The following COMMD1 variants were observed in gnomAD, a reference collection of about 807,000 sequenced individuals.
COMMD1 encodes copper metabolism domain containing 1.
In COMMD1, 10 loss-of-function variants were observed where a neutral mutation model predicts 17.2. That is an observed-to-expected ratio of 0.58 (90% CI 0.36 to 0.99). The LOEUF (loss-of-function observed/expected upper bound fraction) is 0.99. Ranked by LOEUF, COMMD1 falls within the 50% of genes least tolerant of loss-of-function variation. The probability of loss-of-function intolerance (pLI) is 0.01; values close to 1 mark genes in which losing one functional copy is unlikely to be tolerated. For missense variants in COMMD1, 270 were observed against 231.8 expected, an observed-to-expected ratio of 1.17 and a Z score of -1.07; for synonymous variants, 97 against 91.6, an observed-to-expected ratio of 1.06 and a Z score of -0.34.
At chr2:61,905,901 TTGGCCGC>T in intron 1 of COMMD1, 43 bp downstream of exon 1, 1 of 1,602,242 alleles carries the variant, frequency 6.2e-7, no homozygotes, top group Non-Finnish European at 8.5e-7. Flanking sequence ...GCAGAACCCC[TTGGCCGC>T]TGGCTTCAGA....
chr2:62,045,482 A>G (rs1427912817), intron 2 of COMMD1, among the ~76,000 whole-genome samples: 6 of 151,792 alleles, frequency 4.0e-5, no homozygotes, highest in Non-Finnish European at 7.4e-5. Flanking sequence ...TTAGTCTTAC[A>G]AAGGCGGTTT....
chr2:61,982,415 T>G (rs185644699), intron 1 of COMMD1, among the ~76,000 whole-genome samples: 1 of 152,306 alleles, frequency 6.6e-6, no homozygotes, highest in Admixed American at 6.5e-5. Context: ...AAATACAAGA[T>G]TATATCATCT....
At chr2:61,956,128 G>T (rs1316001397) in intron 1 of COMMD1, among the ~76,000 whole-genome samples, 3 of 152,152 alleles carry the variant, frequency 2.0e-5, no homozygotes, top group Non-Finnish European at 4.4e-5. Context: ...GTCTAGAAAG[G>T]TTCCTTAGGG....
At chr2:62,087,766 T>G (rs1162472248) in intron 2 of COMMD1, among the ~76,000 whole-genome samples, 1 of 152,126 alleles carries the variant, frequency 6.6e-6, no homozygotes, top group African/African-American at 2.4e-5. Flanking sequence ...ACAAAAACCT[T>G]GATAAATTTC....
At chr2:61,938,645 T>TGC in intron 1 of COMMD1, among the ~76,000 whole-genome samples, 1 of 152,314 alleles carries the variant, frequency 6.6e-6, no homozygotes, top group East Asian at 1.9e-4. Context: ...TTCTGCTTTA[T>TGC]GCCCCTCAGT....
intron 1 of COMMD1, among the ~76,000 whole-genome samples, chr2:61,893,138 A>G (rs555446656): frequency 3.3e-5 from 5 of 152,056 alleles, no homozygotes; most frequent in African/African-American, 9.7e-5. Flanking sequence ...AAGTACTGGG[A>G]TTACAGGTGT....
At chr2:62,034,088 CA>C (rs34439318) in intron 2 of COMMD1, among the ~76,000 whole-genome samples, 9,245 of 62,626 alleles carry the variant, frequency 0.15, 554 homozygotes, top group African/African-American at 0.36. Flanking sequence ...GACCCTGTCT[CA>C]AAAAAAAAAA....
intron 2 of COMMD1, among the ~76,000 whole-genome samples, chr2:62,040,747 G>A (rs1670166766): frequency 6.6e-6 from 1 of 150,878 alleles, no homozygotes; most frequent in Non-Finnish European, 1.5e-5. Context: ...GTCTTGCTCT[G>A]TCACCCAAGC....
intron 1 of COMMD1, among the ~76,000 whole-genome samples, chr2:61,967,305 G>A (rs749007092): frequency 9.9e-5 from 15 of 151,988 alleles, no homozygotes; most frequent in Admixed American, 6.6e-4. Context: ...CATACAATCC[G>A]ATTATTTTAT....
chr2:61,925,459 A>C (rs1170413596), intron 1 of COMMD1, among the ~76,000 whole-genome samples: 1 of 152,148 alleles, frequency 6.6e-6, no homozygotes, highest in Non-Finnish European at 1.5e-5. Context: ...TAATTTTGCC[A>C]CATATCACCT....
At chr2:62,049,724 G>A (rs780733712) in intron 2 of COMMD1, among the ~76,000 whole-genome samples, 8 of 152,132 alleles carry the variant, frequency 5.3e-5, no homozygotes, top group Non-Finnish European at 8.8e-5. Context: ...TATGGTTCTA[G>A]TGTTTCCTCA....
chr2:61,913,904 G>C (rs1031543497), intron 1 of COMMD1, among the ~76,000 whole-genome samples: 2 of 152,018 alleles, frequency 1.3e-5, no homozygotes, highest in African/African-American at 2.4e-5. Flanking sequence ...GGGTGCGGTG[G>C]CTCACGCCTG....
chr2:62,051,885 C>G (rs1486838882), intron 2 of COMMD1, among the ~76,000 whole-genome samples: 1 of 152,160 alleles, frequency 6.6e-6, no homozygotes, highest in Non-Finnish European at 1.5e-5. Flanking sequence ...GTGACTATGC[C>G]AAGGACTTAG....
At chr2:62,023,083 G>A (rs1669653081) in intron 2 of COMMD1, among the ~76,000 whole-genome samples, 1 of 152,104 alleles carries the variant, frequency 6.6e-6, no homozygotes, top group Non-Finnish European at 1.5e-5. Context: ...AAAATTAGCT[G>A]GGCATGGTGG....
At chr2:61,934,500 A>G (rs1392575809) in intron 1 of COMMD1, among the ~76,000 whole-genome samples, 1 of 152,190 alleles carries the variant, frequency 6.6e-6, no homozygotes, top group Non-Finnish European at 1.5e-5. Context: ...AGGCGAGAAG[A>G]TCACCTGATC....
intron 1 of COMMD1, among the ~76,000 whole-genome samples, chr2:61,900,312 T>C (rs1333180295): frequency 2.0e-5 from 3 of 152,252 alleles, no homozygotes; most frequent in Admixed American, 2.0e-4. Flanking sequence ...TACAGGTGGA[T>C]TCAGAGATTG....
At chr2:62,030,121 CAG>C (rs1669873164) in intron 2 of COMMD1, among the ~76,000 whole-genome samples, 1 of 152,230 alleles carries the variant, frequency 6.6e-6, no homozygotes, top group Non-Finnish European at 1.5e-5. Flanking sequence ...CTTGCCCTCT[CAG>C]AGCATGCATT....
At chr2:61,963,190 TACACACACAC>T (rs375894719) in intron 1 of COMMD1, among the ~76,000 whole-genome samples, 8 of 136,378 alleles carry the variant, frequency 5.9e-5, no homozygotes, top group Non-Finnish European at 9.2e-5. Flanking sequence ...ATATATTATA[TACACACACAC>T]ACACACACAC....
rs148882943 is a variant in COMMD1 at position 62,125,655 on chromosome 2, G to C, written c.463-10176G>C. Among the ~76,000 whole-genome samples, 239 of 152,196 alleles carry C rather than the reference G, an allele frequency of 1.6e-3. 2 individuals carry two copies. Among genetic ancestry groups the C allele is most frequent in the African/African-American group, 4.6e-3 (191 of 41,530 alleles). On this transcript the variant is annotated intron_variant, in intron 2 of 2. Coordinates refer to ENST00000311832, the MANE Select transcript of COMMD1 (RefSeq NM_152516.4). ...ATATTATGTCACAAATTTTCTTTTT[G>C]TAAAGTATTGTTTTAAGATACAGCA...
Sources: gnomAD v4.1 joint callset for allele counts (sites outside exome capture counted in the v4.1 genomes callset) on GRCh38, gnomAD v4.1.1 for gene constraint, MANE v1.5 for transcripts, NCBI Gene and HGNC (gene_info 2026-07-23, HGNC 2026-07-21) for gene names.